PLEKHG3: variants seen among roughly 807,000 people sequenced by gnomAD.
PLEKHG3 encodes pleckstrin homology domain-containing family G member 3.
PLEKHG3 carries 62 observed loss-of-function variants against 94.9 expected under a neutral mutation model. That is an observed-to-expected ratio of 0.65 (90% CI 0.53 to 0.81). The LOEUF (loss-of-function observed/expected upper bound fraction) is 0.81, where lower values mean the gene tolerates loss of function less well. Among genes scored for constraint, PLEKHG3 ranks in the 30% least tolerant of loss-of-function variants. The pLI, the probability that PLEKHG3 is intolerant of heterozygous loss-of-function variation, is 0.00. For missense variants in PLEKHG3, 1,461 were observed against 1,619.3 expected (o/e 0.90, Z 1.68); for synonymous variants, 614 against 654.0 (o/e 0.94, Z 0.93).
intron 13 of PLEKHG3, 49 bp downstream of exon 13, chr14:64,736,940 G>GGGA (rs1566712066): frequency 6.9e-7 from 1 of 1,454,234 alleles, no homozygotes; most frequent in East Asian, 2.3e-5. Context: ...GGGAGGAGGA[G>GGGA]GGAGGAGGGG....
chr14:64,726,268 A>T lies in PLEKHG3; in HGVS notation c.-39-1325A>T, dbSNP rs2081351075. Among the ~76,000 whole-genome samples, 1 of 152,066 alleles carries T rather than the reference A, an allele frequency of 6.6e-6. No individual in the cohort carries two copies. Among genetic ancestry groups the T allele is most frequent in the Non-Finnish European group, 1.5e-5 (1 of 68,008 alleles). ...GGTCAGTGTCAAGGGTTCCCAGAGTAATGGCAGCTTCTAGATTCTTCTCCT... is the reference window on the plus strand; with the variant it reads ...GGTCAGTGTCAAGGGTTCCCAGAGTTATGGCAGCTTCTAGATTCTTCTCCT... On this transcript the variant is annotated intron_variant, in intron 1 of 16. Coordinates refer to ENST00000247226, the MANE Select transcript of PLEKHG3 (RefSeq NM_001308147.2). The surrounding 1 kb of genome is among the most constrained non-coding windows in gnomAD (Gnocchi z 5.1).
At position 64,728,723 on chromosome 14, in the gene PLEKHG3, T is replaced by C. The variant is rs2081401200; in HGVS notation, c.352-273T>C. ...TCTCTGTGTCCTCCTTCTCCTCTTATAAGGACAGCAGCCACTGGATTTGGG... is the reference window on the plus strand; with the variant it reads ...TCTCTGTGTCCTCCTTCTCCTCTTACAAGGACAGCAGCCACTGGATTTGGG... On this transcript the variant is annotated intron_variant, in intron 2 of 16. Coordinates refer to ENST00000247226, the MANE Select transcript of PLEKHG3 (RefSeq NM_001308147.2). This position sits in a 1 kb window ranked among gnomAD's most constrained non-coding sequence, Gnocchi z 5.9. Among the ~76,000 whole-genome samples, 1 of 152,184 alleles carries C rather than the reference T, an allele frequency of 6.6e-6. No individual in the cohort carries two copies. The highest frequency in any genetic ancestry group is 6.5e-5 in the Admixed American group (1 of 15,286).
chr14:64,731,554 C>G lies in PLEKHG3; in HGVS notation c.1032+11C>G, dbSNP rs372637690. 5 of 1,612,526 alleles carry G rather than the reference C, an allele frequency of 3.1e-6. No individual in the cohort carries two copies. Among genetic ancestry groups the G allele is most frequent in the Non-Finnish European group, 4.2e-6 (5 of 1,178,678 alleles). On this transcript the variant is annotated intron_variant, in intron 8 of 16. Transcript: ENST00000247226. The surrounding 1 kb of genome is among the most constrained non-coding windows in gnomAD (Gnocchi z 6.1). Reference sequence around the variant, plus strand: ...AAGGGCAACATCCCGGTAACCAGGCCCTGCCCCATCTCCTCTGCCATCTTC... The same window carrying G: ...AAGGGCAACATCCCGGTAACCAGGCGCTGCCCCATCTCCTCTGCCATCTTC...
Position 64,715,150 on chromosome 14 carries a change from ACT to A in PLEKHG3, c.-40+10449_-40+10450del, listed in dbSNP as rs751366580. On this transcript the variant is annotated intron_variant, in intron 1 of 16. Coordinates refer to ENST00000247226, the MANE Select transcript of PLEKHG3 (RefSeq NM_001308147.2). This position sits in a 1 kb window ranked among gnomAD's most constrained non-coding sequence, Gnocchi z 4.4. ...CAGGTGAGTTATGAATTCCCAGGTG[ACT>A]CTATTTGGCTCCTTTCTGAGGTTGC... Among the ~76,000 whole-genome samples the A allele has an allele frequency of 6.6e-6, 1 of 152,014 alleles. No individual in the cohort carries two copies. The highest frequency in any genetic ancestry group is 1.5e-5 in the Non-Finnish European group (1 of 67,988).
chr14:64,730,838 G>A lies in PLEKHG3; in HGVS notation c.606G>A (p.Gln202=), dbSNP rs2081444311. 1 of 1,613,440 alleles carries A rather than the reference G, an allele frequency of 6.2e-7. No individual in the cohort carries two copies. The highest frequency in any genetic ancestry group is 1.7e-5 in the Admixed American group (1 of 60,000). The part of the protein sequence containing the change: ...AALTECMRDK[Q]QAKFFRDRQE... Reference sequence around the variant, plus strand: ...TGACGGAATGCATGCGGGACAAGCAGCAGGCCAAGTTCTTTCGGGACCGGC... The same window carrying A: ...TGACGGAATGCATGCGGGACAAGCAACAGGCCAAGTTCTTTCGGGACCGGC... The change falls in exon 6 of 17, where the codon CAG becomes CAA. Residue 202 remains glutamine (Q), a synonymous_variant. Coordinates refer to ENST00000247226, the MANE Select transcript of PLEKHG3 (RefSeq NM_001308147.2). The surrounding 1 kb of genome is among the most constrained non-coding windows in gnomAD (Gnocchi z 5.4).
rs2081799871 is a variant in PLEKHG3, at chr14:64,744,771, A to ATTTTTTTTTTTTTTTTTCT, written c.*1085_*1086insCTTTTTTTTTTTTTTTTTT. 1 of 122,042 alleles carries ATTTTTTTTTTTTTTTTTCT rather than the reference A, an allele frequency of 8.2e-6. No individual in the cohort carries two copies. Among genetic ancestry groups the ATTTTTTTTTTTTTTTTTCT allele is most frequent in the African/African-American group, 3.4e-5 (1 of 29,462 alleles). 7.6% of individuals were successfully genotyped at this position (122,042 alleles called of 1,614,324 possible). ...CCAGGAAACATCCTAGAAGACAAGG[A>ATTTTTTTTTTTTTTTTTCT]TTTTTTTTTTTTTTTTTTTTGAGAC... On this transcript the variant is annotated 3_prime_UTR_variant, in exon 17 of 17. Coordinates refer to ENST00000247226, the MANE Select transcript of PLEKHG3 (RefSeq NM_001308147.2).
intron 1 of PLEKHG3, among the ~76,000 whole-genome samples, chr14:64,705,074 G>A (rs987328218): frequency 1.3e-5 from 2 of 152,230 alleles, no homozygotes; most frequent in Non-Finnish European, 2.9e-5. Flanking sequence ...TGGGCCTGGC[G>A]GGTGGACCCT....
Position 64,731,274 on chromosome 14 carries a change from C to A in PLEKHG3, c.850-87C>A. ...CCTGCTGGGATGAGCTGGGCAGTGGCATTGGGGGAGCCTTTGTGGCAGGGT... is the reference window on the plus strand; with the variant it reads ...CCTGCTGGGATGAGCTGGGCAGTGGAATTGGGGGAGCCTTTGTGGCAGGGT... On this transcript the variant is annotated intron_variant, in intron 7 of 16. Coordinates refer to ENST00000247226, the MANE Select transcript of PLEKHG3 (RefSeq NM_001308147.2). The surrounding 1 kb of genome is among the most constrained non-coding windows in gnomAD (Gnocchi z 6.1). 1 of 1,451,056 alleles carries A rather than the reference C, an allele frequency of 6.9e-7. No individual in the cohort carries two copies. The highest frequency in any genetic ancestry group is 9.6e-7 in the Non-Finnish European group (1 of 1,042,718). The allele number at this position is 1,451,056 out of a possible 1,614,324, so 89.9% of individuals were successfully genotyped here. A position where few individuals can be genotyped will look rare whatever the true frequency, so the allele number is the denominator to read the frequency against.
chr14:64,742,007 G>C lies in PLEKHG3; in HGVS notation c.2490G>C (p.Lys830Asn). The C allele has an allele frequency of 6.4e-7, 1 of 1,572,470 alleles. No homozygotes were observed. ...AGTCTTCCGGAGGGAGCCCTGGGAA[G>C]GGGCCAGGCCAGGGCCAGGCCAATG... ...GMESSGGSPG[K>N]GPGQGQANGF... Residue 830 changes from lysine (K) to asparagine (N), a missense_variant, in exon 16 of 17, where the codon AAG becomes AAC. Around this residue, in one of 3 missense-constraint regions of PLEKHG3, gnomAD observed 1,201 missense variants for 1,295.5 expected, o/e 0.93. Transcript: ENST00000247226.
Position 64,749,898 on chromosome 14 carries a change from G to C in PLEKHG3, c.*6195G>C. Reference sequence around the variant, plus strand: ...GAGGAGCAGCTCAGGCCTGGCACTGGTCCCCTACAGAGGGCCTCTGCCCTG... The same window carrying C: ...GAGGAGCAGCTCAGGCCTGGCACTGCTCCCCTACAGAGGGCCTCTGCCCTG... On this transcript the variant is annotated 3_prime_UTR_variant, in exon 17 of 17. Transcript: ENST00000247226. This position sits in a 1 kb window ranked among gnomAD's most constrained non-coding sequence, Gnocchi z 4.7. The C allele has an allele frequency of 6.3e-7, 1 of 1,579,444 alleles. No homozygotes were observed. The highest frequency in any genetic ancestry group is 8.7e-7 in the Non-Finnish European group (1 of 1,149,140).
Position 64,742,214 on chromosome 14 carries a change from G to A in PLEKHG3, c.2697G>A (p.Leu899=), listed in dbSNP as rs750331407. The A allele has an allele frequency of 1.2e-6, 2 of 1,613,032 alleles. No individual in the cohort carries two copies. The highest frequency in any genetic ancestry group is 2.2e-5 in the South Asian group (2 of 91,088). ...TGAGCAGCAGTACCCAGGGGGAGCT[G>A]GTGGCCCCACTGCACCCCCGCATCG... ...KELSSSTQGE[L]VAPLHPRIVQ... The change falls in exon 16 of 17, where the codon CTG becomes CTA. Residue 899 remains leucine, a synonymous_variant. Transcript: ENST00000247226.
rs772813004 is a variant in PLEKHG3, at chr14:64,728,192, G to A, written c.351+210G>A. Among the ~76,000 whole-genome samples the A allele has an allele frequency of 6.6e-6, 1 of 152,234 alleles. No individual in the cohort carries two copies. The highest frequency in any genetic ancestry group is 1.5e-5 in the Non-Finnish European group (1 of 68,042). On this transcript the variant is annotated intron_variant, in intron 2 of 16. Coordinates refer to ENST00000247226, the MANE Select transcript of PLEKHG3 (RefSeq NM_001308147.2). This position sits in a 1 kb window ranked among gnomAD's most constrained non-coding sequence, Gnocchi z 5.9. ...GCTTGGGCCGACAGGAGTGAGCATCGTTGATAGGGTGGATCCCCAGCCTGC... is the reference window on the plus strand; with the variant it reads ...GCTTGGGCCGACAGGAGTGAGCATCATTGATAGGGTGGATCCCCAGCCTGC...
intron 14 of PLEKHG3, 132 bp downstream of exon 14, chr14:64,737,507 G>C (rs1316175805): frequency 1.5e-6 from 1 of 651,518 alleles, no homozygotes; most frequent in East Asian, 2.8e-5. Context: ...CTGTGTACCA[G>C]GCTGTGTGGC....
chr14:64,729,898 C>G (rs1594689385), intron 3 of PLEKHG3, among the ~76,000 whole-genome samples: 1 of 152,192 alleles, frequency 6.6e-6, no homozygotes, highest in East Asian at 1.9e-4. Context: ...TGCTAGTCCC[C>G]ATTCTCTCTC....
At chr14:64,733,521 CCTT>C (rs940984529) in intron 12 of PLEKHG3, among the ~76,000 whole-genome samples, 1 of 152,118 alleles carries the variant, frequency 6.6e-6, no homozygotes, top group Admixed American at 6.6e-5. Flanking sequence ...CCTTGGCACC[CCTT>C]CTTAGCCCCC....
At position 64,737,213 on chromosome 14, in the gene PLEKHG3, G is replaced by A. The variant is rs546016260; in HGVS notation, c.1385-143G>A. On this transcript the variant is annotated intron_variant, in intron 13 of 16. Transcript: ENST00000247226. ...TTCTTTTGAAAGCCCAGGAGACTAGGTGAGGGTTCTGGGAGCAGGAGCCCC... is the reference window on the plus strand; with the variant it reads ...TTCTTTTGAAAGCCCAGGAGACTAGATGAGGGTTCTGGGAGCAGGAGCCCC... The A allele has an allele frequency of 1.6e-5, 11 of 701,608 alleles. No homozygotes were observed. The African/African-American group carries it at 1.8e-4, about 11-fold the overall frequency. 43.5% of individuals were successfully genotyped at this position (701,608 alleles called of 1,614,324 possible).
Position 64,730,854 on chromosome 14 carries a change from C to G in PLEKHG3, c.622C>G (p.Arg208Gly), listed in dbSNP as rs148652986. 21 of 1,613,250 alleles carry G rather than the reference C, an allele frequency of 1.3e-5. No individual in the cohort carries two copies. Among genetic ancestry groups the G allele is most frequent in the Non-Finnish European group, 1.6e-5 (19 of 1,180,016 alleles). Residue 208 changes from arginine (R) to glycine (G), a missense_variant, in exon 6 of 17, where the codon CGG becomes GGG. Arg to Gly is a moderately radical substitution (Grantham distance 125). This residue lies in a region of PLEKHG3 where 253 missense variants were observed against 297.8 expected (regional missense o/e 0.85). Transcript: ENST00000247226. The surrounding 1 kb of genome is among the most constrained non-coding windows in gnomAD (Gnocchi z 5.4). ...GGACAAGCAGCAGGCCAAGTTCTTT[C>G]GGGACCGGCAGGAGCTGCTACAGCA... The part of the protein sequence containing the change: ...MRDKQQAKFF[R>G]DRQELLQHSL...
intron 1 of PLEKHG3, among the ~76,000 whole-genome samples, chr14:64,724,210 A>G (rs1413912821): frequency 1.3e-5 from 2 of 152,060 alleles, no homozygotes; most frequent in Non-Finnish European, 2.9e-5. Context: ...TCTTAGGGCC[A>G]GAATGCACTC....
chr14:64,744,263 G>T lies in PLEKHG3; in HGVS notation c.*560G>T, dbSNP rs571510550. On this transcript the variant is annotated 3_prime_UTR_variant, in exon 17 of 17. Transcript: ENST00000247226. ...TTCAGTTCAGGTACTTTTGAGGGTT[G>T]TTGTGCTGACCCTGTGGTTGTCGCT... is the stretch of plus-strand genomic sequence containing the variant. 6.5e-6 allele frequency: 1 copy of T among 152,910 alleles called. No homozygotes were observed. The highest frequency in any genetic ancestry group is 1.5e-5 in the Non-Finnish European group (1 of 68,254). The allele number at this position is 152,910 out of a possible 1,614,324, so 9.5% of individuals were successfully genotyped here.
Sources: allele counts gnomAD v4.1 joint callset (sites outside exome capture counted in the v4.1 genomes callset), GRCh38; gene constraint gnomAD v4.1.1; regional missense constraint gnomAD v4.1.1; non-coding constraint Gnocchi (gnomAD v3.1); transcripts MANE v1.5; gene names NCBI Gene and HGNC (gene_info 2026-07-23, HGNC 2026-07-21).